The following RAI1 variants were observed in gnomAD, a reference collection of about 807,000 sequenced individuals.
RAI1 encodes retinoic acid induced 1, also known as retinoic acid-induced protein 1.
Under a neutral mutation model 123.8 loss-of-function variants are expected in RAI1, and 9 were observed. That is an observed-to-expected ratio of 0.07 (90% CI 0.04 to 0.13). The LOEUF (loss-of-function observed/expected upper bound fraction) is 0.13, where lower values mean the gene tolerates loss of function less well. Ranked by LOEUF, RAI1 falls within the 10% of genes least tolerant of loss-of-function variation. The pLI, the probability that RAI1 is intolerant of heterozygous loss-of-function variation, is 1.00. For synonymous variants in RAI1, 1,231 were observed against 1,127.3 expected (o/e 1.09, Z -1.84); for missense variants, 2,256 against 2,545.8 (o/e 0.89, Z 2.45).
chr17:17,707,872 G>A (rs1317391027), intron 1 of RAI1, among the ~76,000 whole-genome samples: 3 of 152,312 alleles, frequency 2.0e-5, no homozygotes, highest in East Asian at 3.9e-4. Context: ...GGGATCATAG[G>A]TGTGAGCCAC....
rs937758066 is a variant in RAI1, at chr17:17,809,898, A to G, written c.5710-72A>G. 5 of 1,547,932 alleles carry G rather than the reference A, an allele frequency of 3.2e-6. No homozygotes were observed. The highest frequency in any genetic ancestry group is 3.5e-6 in the Non-Finnish European group (4 of 1,146,332). On this transcript the variant is annotated intron_variant, in intron 5 of 5. Coordinates refer to ENST00000353383, the MANE Select transcript of RAI1 (RefSeq NM_030665.4). This position sits in a 1 kb window ranked among gnomAD's most constrained non-coding sequence, Gnocchi z 4.9. ...GGTCTGGGGCTTAGGCGGGGGGCCC[A>G]CACTGGGGGCGGGGCCTATGGACTG...
intron 2 of RAI1, among the ~76,000 whole-genome samples, chr17:17,786,241 G>A (rs1220809420): frequency 6.6e-6 from 1 of 152,162 alleles, no homozygotes; most frequent in African/African-American, 2.4e-5. Flanking sequence ...GGCCACCCCT[G>A]ATCTCCCGCT....
chr17:17,803,301 T>C (rs576196284), intron 3 of RAI1, among the ~76,000 whole-genome samples: 2 of 152,204 alleles, frequency 1.3e-5, no homozygotes, highest in African/African-American at 4.8e-5. Flanking sequence ...TGAACCTCCT[T>C]CTGGTAGATT....
At chr17:17,683,655 CA>C (rs1914522154) in intron 1 of RAI1, 1 of 152,244 alleles carries the variant, frequency 6.6e-6, no homozygotes, top group African/African-American at 2.4e-5. Context: ...ATAACTCTGG[CA>C]AAAGCTCTCA....
chr17:17,731,830 C>A (rs1053480611), intron 2 of RAI1, among the ~76,000 whole-genome samples: 7 of 152,128 alleles, frequency 4.6e-5, no homozygotes, highest in Non-Finnish European at 8.8e-5. Flanking sequence ...GTGAGCTGAG[C>A]ACTGGGAGGG....
intron 2 of RAI1, among the ~76,000 whole-genome samples, chr17:17,746,386 C>T (rs996586472): frequency 2.6e-5 from 4 of 152,172 alleles, no homozygotes; most frequent in African/African-American, 4.8e-5. Flanking sequence ...AGGCAGGCAG[C>T]GGACTGGGTC....
chr17:17,793,249 G>A lies in RAI1; in HGVS notation c.301G>A (p.Gly101Ser), dbSNP rs145801481. 340 of 1,611,472 alleles carry A rather than the reference G, an allele frequency of 2.1e-4. 1 individual carries two copies. In the African/African-American group the frequency reaches 2.6e-3, roughly 12 times the overall value. ...LQGRPAFPGY[G>S]VQDSSPYPGR... is the part of the protein sequence containing the mutation. ...GGGGAGGCCGGCTTTCCCTGGCTAC[G>A]GCGTCCAGGACAGCAGCCCCTACCC... The change falls in exon 3 of 6, where the codon GGC (glycine) becomes AGC (serine). Residue 101 changes from glycine (G) to serine (S), a missense_variant. Around this residue, in one of 7 missense-constraint regions of RAI1, gnomAD observed 336 missense variants for 349.8 expected, o/e 0.96. Coordinates refer to ENST00000353383, the MANE Select transcript of RAI1 (RefSeq NM_030665.4).
At chr17:17,737,142 G>T (rs1207272569) in intron 2 of RAI1, among the ~76,000 whole-genome samples, 1 of 152,194 alleles carries the variant, frequency 6.6e-6, no homozygotes, top group Non-Finnish European at 1.5e-5. Flanking sequence ...AGCATTTCTG[G>T]GGAAGAAACA....
intron 2 of RAI1, among the ~76,000 whole-genome samples, chr17:17,772,086 C>G (rs535356765): frequency 6.6e-6 from 1 of 152,300 alleles, no homozygotes; most frequent in African/African-American, 2.4e-5. Flanking sequence ...CTCTGGCACA[C>G]CAGGAAATGT....
At chr17:17,690,031 C>A (rs1005768990) in intron 1 of RAI1, among the ~76,000 whole-genome samples, 2 of 152,000 alleles carry the variant, frequency 1.3e-5, no homozygotes, top group Non-Finnish European at 2.9e-5. Flanking sequence ...TCCTGTGAGG[C>A]CTTATTGACC....
intron 2 of RAI1, among the ~76,000 whole-genome samples, chr17:17,766,464 C>G (rs1298315880): frequency 6.6e-6 from 1 of 152,234 alleles, no homozygotes; most frequent in Non-Finnish European, 1.5e-5. Flanking sequence ...AGGCCTGCTT[C>G]TATTAAGGAG....
Position 17,795,887 on chromosome 17 carries a change from C to A in RAI1, c.2939C>A (p.Ala980Asp), listed in dbSNP as rs369566622. 9 of 1,612,184 alleles carry A rather than the reference C, an allele frequency of 5.6e-6. No homozygotes were observed. Among genetic ancestry groups the A allele is most frequent in the Non-Finnish European group, 7.6e-6 (9 of 1,179,958 alleles). Residue 980 changes from alanine to aspartate, a missense_variant, in exon 3 of 6, where the codon GCT becomes GAT. By Grantham distance (126) the Ala-to-Asp change is moderately radical. Around this residue, in one of 7 missense-constraint regions of RAI1, gnomAD observed 566 missense variants for 616.0 expected, o/e 0.92. Transcript: ENST00000353383. The surrounding 1 kb of genome is among the most constrained non-coding windows in gnomAD (Gnocchi z 5.9). ...ASLAQKPNKP[A>D]VPEAPIAKKE... ...CTGGCCCAGAAGCCCAACAAGCCTG[C>A]TGTGCCCGAGGCGCCCATCGCAAAG...
At chr17:17,728,923 C>T (rs190304131) in intron 2 of RAI1, among the ~76,000 whole-genome samples, 1 of 152,316 alleles carries the variant, frequency 6.6e-6, no homozygotes, top group Admixed American at 6.5e-5. Flanking sequence ...AGGCTGGGGC[C>T]TACCATGACA....
intron 4 of RAI1, 23 bp downstream of exon 4, chr17:17,803,872 G>C: frequency 3.1e-6 from 5 of 1,605,196 alleles, no homozygotes; most frequent in Non-Finnish European, 4.3e-6. Context: ...CCAGGAACAG[G>C]AGGGCATTGG....
In RAI1 at chr17:17,794,470, A is replaced by G. The variant is rs1182366272; in HGVS notation, c.1522A>G (p.Thr508Ala). Reference protein sequence around the residue: ...SEPPSSTPQSTHAEPQEADYL... With the variant: ...SEPPSSTPQSAHAEPQEADYL... ...GCCGCCGAGCAGCACGCCACAGTCCACGCATGCGGAGCCGCAGGAGGCCGA... is the reference window on the plus strand; with the variant it reads ...GCCGCCGAGCAGCACGCCACAGTCCGCGCATGCGGAGCCGCAGGAGGCCGA... The change falls in exon 3 of 6, where the codon ACG becomes GCG. Residue 508 changes from threonine (T) to alanine (A), a missense_variant. Coordinates refer to ENST00000353383, the MANE Select transcript of RAI1 (RefSeq NM_030665.4). 2 of 1,612,244 alleles carry G rather than the reference A, an allele frequency of 1.2e-6. No homozygotes were observed. Among genetic ancestry groups the G allele is most frequent in the Admixed American group, 3.3e-5 (2 of 59,918 alleles).
chr17:17,773,218 T>C (rs913810901), intron 2 of RAI1, among the ~76,000 whole-genome samples: 10 of 152,194 alleles, frequency 6.6e-5, no homozygotes, highest in African/African-American at 2.2e-4. Flanking sequence ...TGGCTTTCCA[T>C]GGGCCCCAAT....
At chr17:17,719,024 C>T (rs983917801) in intron 1 of RAI1, among the ~76,000 whole-genome samples, 6 of 152,154 alleles carry the variant, frequency 3.9e-5, no homozygotes, top group Admixed American at 2.0e-4. Context: ...ATCCTGCTAA[C>T]CCTGCCTTCA....
At position 17,797,343 on chromosome 17, in the gene RAI1, G is replaced by A. The variant is rs769964689; in HGVS notation, c.4395G>A (p.Lys1465=). ...AHGLSKGPLE[K]RPYLGPALLL... ...GACTCTCCAAAGGCCCGCTGGAGAA[G>A]CGGCCCTATCTTGGCCCGGCTCTGC... Residue 1465 remains lysine (K), a synonymous_variant, in exon 3 of 6, where the codon AAG becomes AAA. Coordinates refer to ENST00000353383, the MANE Select transcript of RAI1 (RefSeq NM_030665.4). 9.3e-6 allele frequency: 15 copies of A among 1,612,252 alleles called. No individual in the cohort carries two copies. The highest frequency in any genetic ancestry group is 2.7e-5 in the African/African-American group (2 of 74,932).
intron 1 of RAI1, among the ~76,000 whole-genome samples, chr17:17,698,249 C>T (rs184049224): frequency 1.7e-3 from 257 of 152,344 alleles, no homozygotes; most frequent in Non-Finnish European, 3.7e-4. Context: ...CTCTCACACA[C>T]GGGCTTCTGG....
Sources: gnomAD v4.1 joint callset for allele counts (sites outside exome capture counted in the v4.1 genomes callset) on GRCh38, gnomAD v4.1.1 for gene constraint, gnomAD v4.1.1 regional missense constraint, Gnocchi (gnomAD v3.1) non-coding constraint, MANE v1.5 for transcripts, NCBI Gene and HGNC (gene_info 2026-07-23, HGNC 2026-07-21) for gene names.